NDUFAF6: variants seen among roughly 807,000 people sequenced by gnomAD.
NDUFAF6 encodes the protein NADH dehydrogenase (ubiquinone) complex I, assembly factor 6.
Under a neutral mutation model 40.8 loss-of-function variants are expected in NDUFAF6, and 45 were observed. The ratio of observed to expected loss-of-function variants is 1.10; its 90% confidence interval spans 0.87 to 1.42. The LOEUF (loss-of-function observed/expected upper bound fraction) is 1.42. Ranked by LOEUF, NDUFAF6 falls within the 40% of genes most tolerant of loss-of-function variation. The probability of loss-of-function intolerance (pLI) is 0.00; values close to 1 mark genes in which losing one functional copy is unlikely to be tolerated. For missense variants in NDUFAF6, 435 were observed against 418.5 expected, an observed-to-expected ratio of 1.04 and a Z score of -0.34; for synonymous variants, 185 against 155.9, an observed-to-expected ratio of 1.19 and a Z score of -1.39.
chr8:95,013,106 CT>C (rs1009657268), intron 2 of NDUFAF6, among the ~76,000 whole-genome samples: 8 of 148,404 alleles, frequency 5.4e-5, no homozygotes, highest in African/African-American at 7.4e-5. Context: ...TCTTCTTCTC[CT>C]TTTTTTTTTC....
In NDUFAF6 at chr8:95,016,458, C is replaced by T. The variant is rs115460215; in HGVS notation, c.-83-15537C>T. On this transcript the variant is annotated intron_variant, in intron 2 of 9. Transcript: ENST00000396111. ...TACTGGTGAGCAGTTAAAACGTGAA[C>T]ATCTGGCCGAGCGTGGTGGCTCACG... Among the ~76,000 whole-genome samples, 1,186 of 152,300 alleles carry T rather than the reference C, an allele frequency of 7.8e-3. 6 individuals are homozygous for T. The highest frequency in any genetic ancestry group is 0.027 in the African/African-American group (1,114 of 41,572).
chr8:94,952,433 CAGTT>C (rs1324044722), intron 2 of NDUFAF6, among the ~76,000 whole-genome samples: 4 of 152,222 alleles, frequency 2.6e-5, no homozygotes, highest in Admixed American at 6.5e-5. Flanking sequence ...TACCCATCAA[CAGTT>C]AGGATCTGCT....
At chr8:94,973,260 G>A (rs953619866) in intron 1 of NDUFAF6, among the ~76,000 whole-genome samples, 1 of 151,904 alleles carries the variant, frequency 6.6e-6, no homozygotes, top group Non-Finnish European at 1.5e-5. Context: ...TTCCTTATCT[G>A]TAAAATGGAG....
At chr8:95,019,998 A>G (rs1827623651), upstream of NDUFAF6, among the ~76,000 whole-genome samples, 1 of 152,220 alleles carries the variant, frequency 6.6e-6, no homozygotes, top group Non-Finnish European at 1.5e-5. Context: ...CAGGAGTTTG[A>G]GACCAGTCTG....
At chr8:94,991,736 T>G (rs762240240) in intron 2 of NDUFAF6, among the ~76,000 whole-genome samples, 3 of 152,086 alleles carry the variant, frequency 2.0e-5, no homozygotes, top group Non-Finnish European at 4.4e-5. Flanking sequence ...CTTGTTTTTT[T>G]CTCTTCATCT....
At chr8:95,091,942 C>A (rs555142251) in intron 2 of NDUFAF6, among the ~76,000 whole-genome samples, 32 of 70,276 alleles carry the variant, frequency 4.6e-4, no homozygotes, top group African/African-American at 2.4e-3. Flanking sequence ...GCAAGCCCAA[C>A]TCTGTTTACC....
intron 1 of NDUFAF6, among the ~76,000 whole-genome samples, chr8:94,916,158 G>A (rs150166871): frequency 1.3e-3 from 203 of 152,226 alleles, no homozygotes; most frequent in African/African-American, 4.7e-3. Context: ...GCAAGATAGT[G>A]TAGAAAAGAA....
upstream of NDUFAF6, among the ~76,000 whole-genome samples, chr8:94,956,053 C>T (rs1047204234): frequency 7.9e-5 from 12 of 152,200 alleles, no homozygotes; most frequent in African/African-American, 2.4e-4. Context: ...AGCCCTAATT[C>T]TAGAATCAGA....
At chr8:95,003,655 T>C (rs570771114) in intron 2 of NDUFAF6, among the ~76,000 whole-genome samples, 1 of 152,326 alleles carries the variant, frequency 6.6e-6, no homozygotes, top group Admixed American at 6.5e-5. Flanking sequence ...GGCGAGTTCT[T>C]GCTAAGGAGT....
intron 1 of NDUFAF6, among the ~76,000 whole-genome samples, chr8:94,931,774 C>A (rs1392876631): frequency 6.6e-6 from 1 of 152,042 alleles, no homozygotes; most frequent in Non-Finnish European, 1.5e-5. Flanking sequence ...GAGTTCAAGA[C>A]CAGCCTGGCC....
chr8:95,039,254 A>T (rs1442023812), intron 3 of NDUFAF6, among the ~76,000 whole-genome samples: 2 of 151,372 alleles, frequency 1.3e-5, no homozygotes, highest in Non-Finnish European at 2.9e-5. Context: ...AGAGATTGAG[A>T]CCATCCAAGC....
intron 2 of NDUFAF6, chr8:94,988,789 A>G (rs981206247): frequency 6.6e-5 from 10 of 152,356 alleles, no homozygotes; most frequent in African/African-American, 2.2e-4. Context: ...TAAACACACC[A>G]TCTACTGATG....
intron 8 of NDUFAF6, among the ~76,000 whole-genome samples, chr8:95,056,228 G>A (rs1392098705): frequency 6.6e-6 from 1 of 150,970 alleles, no homozygotes; most frequent in Admixed American, 6.6e-5. Flanking sequence ...AGAATTTCTG[G>A]ATTGTTTTTT....
At chr8:94,925,951 G>A (rs371102660) in intron 1 of NDUFAF6, 4 of 152,534 alleles carry the variant, frequency 2.6e-5, no homozygotes, top group Non-Finnish European at 2.9e-5. Flanking sequence ...TGAGTATAAA[G>A]ATAAAAGAAT....
At chr8:95,113,178 T>C (rs1810043868) in intron 4 of NDUFAF6, among the ~76,000 whole-genome samples, 1 of 152,190 alleles carries the variant, frequency 6.6e-6, no homozygotes, top group African/African-American at 2.4e-5. Flanking sequence ...GGCCTGACTT[T>C]AGTCTGATTT....
At chr8:94,998,122 G>A (rs961711772) in intron 2 of NDUFAF6, among the ~76,000 whole-genome samples, 3 of 152,032 alleles carry the variant, frequency 2.0e-5, no homozygotes, top group Non-Finnish European at 4.4e-5. Flanking sequence ...AAAATTACTC[G>A]AGAAAAACAA....
intron 1 of NDUFAF6, among the ~76,000 whole-genome samples, chr8:94,978,833 G>A (rs776237001): frequency 2.0e-5 from 3 of 152,192 alleles, no homozygotes; most frequent in Non-Finnish European, 4.4e-5. Context: ...AGAAGTGTGG[G>A]TAACCTAGGG....
In NDUFAF6 at chr8:94,913,872, G is replaced by T. The variant is rs1048252272; in HGVS notation, c.-936+17945G>T. ...TGTGGCGCGATCTCAGCTCACTGCAGCCTCTGCCTCCTGAGCTTAAGCGAT... is the reference window on the plus strand; with the variant it reads ...TGTGGCGCGATCTCAGCTCACTGCATCCTCTGCCTCCTGAGCTTAAGCGAT... On this transcript the variant is annotated intron_variant, in intron 1 of 14. Coordinates refer to the NDUFAF6 transcript ENST00000396113. 3.3e-5 allele frequency among the ~76,000 whole-genome samples: 5 copies of T among 152,196 alleles called. No homozygotes were observed. The East Asian group carries it at 9.6e-4, about 29-fold the overall frequency.
At chr8:95,000,754 C>T (rs1282166276) in intron 2 of NDUFAF6, among the ~76,000 whole-genome samples, 2 of 151,620 alleles carry the variant, frequency 1.3e-5, no homozygotes, top group Non-Finnish European at 2.9e-5. Context: ...TGGCCAACAT[C>T]ATGAAACCCT....
Sources: allele counts gnomAD v4.1 joint callset (sites outside exome capture counted in the v4.1 genomes callset), GRCh38; gene constraint gnomAD v4.1.1; transcripts MANE v1.5; gene names NCBI Gene and HGNC (gene_info 2026-07-23, HGNC 2026-07-21).